CENPI: variants seen among roughly 807,000 people sequenced by gnomAD.
CENPI encodes the protein centromere protein I.
A neutral mutation model predicts 60.4 loss-of-function variants in CENPI; 4 were observed. That is an observed-to-expected ratio of 0.07 (90% CI 0.03 to 0.15). The LOEUF (loss-of-function observed/expected upper bound fraction) is 0.15, where lower values mean the gene tolerates loss of function less well. Ranked by LOEUF, CENPI falls within the 10% of genes least tolerant of loss-of-function variation. CENPI has a pLI of 1.00. For missense variants in CENPI, 444 were observed against 534.5 expected (o/e 0.83, Z 1.67); for synonymous variants, 157 against 189.4 (o/e 0.83, Z 1.40).
At chrX:101,176,195 T>C in the CENPI span, among the ~76,000 whole-genome samples, 3 of 112,224 alleles carry the variant, frequency 2.7e-5, no homozygotes, top group Non-Finnish European at 3.8e-5. Context: ...AGTCCATTGA[T>C]AGGCACTTAG....
At chrX:101,156,375 T>C (rs2090052395) in intron 20 of CENPI, among the ~76,000 whole-genome samples, 1 of 112,056 alleles carries the variant, frequency 8.9e-6, no homozygotes, top group Non-Finnish European at 1.9e-5. Context: ...TCCTGTGAGG[T>C]TGTAAGGTTA....
intron 15 of CENPI, 152 bp downstream of exon 15, chrX:101,132,608 A>T: frequency 2.2e-6 from 1 of 451,886 alleles, no homozygotes; most frequent in Non-Finnish European, 3.7e-6. Context: ...CTCAAAGTTA[A>T]TGCATAGAAT....
At chrX:101,159,100 G>A (rs5967257) in intron 20 of CENPI, among the ~76,000 whole-genome samples, 6,170 of 111,410 alleles carry the variant, frequency 0.055, 488 homozygotes, top group African/African-American at 0.19. Flanking sequence ...ACTGCTTTGA[G>A]ATATATTGCA....
intron 20 of CENPI, among the ~76,000 whole-genome samples, chrX:101,154,507 G>A (rs1411286969): frequency 9.0e-6 from 1 of 111,365 alleles, no homozygotes; most frequent in Non-Finnish European, 1.9e-5. Flanking sequence ...CTTGAACCTG[G>A]GGGGCGGAGG....
chrX:101,157,600 T>C (rs753084737), intron 20 of CENPI, among the ~76,000 whole-genome samples: 1 of 102,470 alleles, frequency 9.8e-6, no homozygotes, highest in Admixed American at 1.1e-4. Context: ...CTGTGAGCTG[T>C]GATTGCTCCA....
At position 101,130,015 on chromosome X, in the gene CENPI, A is replaced by G. The variant is rs762137759; in HGVS notation, c.1229A>G (p.His410Arg). 5 of 1,202,469 alleles carry G rather than the reference A, an allele frequency of 4.2e-6. No homozygotes were observed. The African/African-American group carries it at 5.2e-5, about 13-fold the overall frequency. ...CIWYKVNNYE[H>R]GKEFTNFLDT... The stretch of plus-strand genomic sequence containing the variant: ...TGGTACAAGGTGAATAATTATGAAC[A>G]TGGAAAAGAATTTACCAACTTCCTG... Residue 410 changes from histidine to arginine, a missense_variant, in exon 13 of 22, where the codon CAT becomes CGT. By Grantham distance (29) the His-to-Arg change is conservative. Transcript: ENST00000682095.
chrX:101,140,990 C>A, intron 16 of CENPI: 2 of 280,555 alleles, frequency 7.1e-6, no homozygotes, highest in Non-Finnish European at 1.2e-5. Context: ...TAAATGACTT[C>A]TTTCAAGAGT....
chrX:101,108,112 T>C (rs1005792483), intron 4 of CENPI, among the ~76,000 whole-genome samples: 5 of 111,025 alleles, frequency 4.5e-5, no homozygotes, highest in African/African-American at 1.6e-4. Flanking sequence ...TCTCACTCTG[T>C]CACCCAGGCT....
intron 8 of CENPI, among the ~76,000 whole-genome samples, chrX:101,126,168 G>T (rs905132588): frequency 8.9e-6 from 1 of 112,521 alleles, no homozygotes; most frequent in Admixed American, 9.5e-5. Context: ...ATAGCCAGAT[G>T]TATAAAACAG....
intron 12 of CENPI, 24 bp downstream of exon 12, chrX:101,128,860 C>A (rs1338321431): frequency 8.4e-7 from 1 of 1,190,609 alleles, no homozygotes; most frequent in African/African-American, 1.7e-5. Context: ...GAGGATGGAC[C>A]AAGATAGTTA....
chrX:101,126,181 A>G (rs989205840), intron 8 of CENPI, among the ~76,000 whole-genome samples: 2 of 112,539 alleles, frequency 1.8e-5, no homozygotes, highest in African/African-American at 6.4e-5. Flanking sequence ...TAAAACAGGT[A>G]TCTAGCAGTA....
chrX:101,161,030 C>A (rs1262498691), intron 20 of CENPI, among the ~76,000 whole-genome samples: 1 of 112,008 alleles, frequency 8.9e-6, no homozygotes, highest in Non-Finnish European at 1.9e-5. Context: ...GTACTTTCAC[C>A]AGTTTATTTT....
intron 8 of CENPI, among the ~76,000 whole-genome samples, chrX:101,122,429 C>T (rs367674942): frequency 6.3e-5 from 7 of 111,559 alleles, no homozygotes; most frequent in East Asian, 2.8e-4. Flanking sequence ...TCCATGGGTA[C>T]GATTATTTTT....
At chrX:101,173,072 G>A in the CENPI span, among the ~76,000 whole-genome samples, 99 of 92,479 alleles carry the variant, frequency 1.1e-3, no homozygotes, top group African/African-American at 3.9e-3. Flanking sequence ...CTGGAGTGCA[G>A]TGGTGCGATC....
intron 20 of CENPI, among the ~76,000 whole-genome samples, chrX:101,153,081 ACCT>A (rs1459337685): frequency 9.4e-6 from 1 of 106,753 alleles, no homozygotes; most frequent in African/African-American, 3.4e-5. Context: ...CATTTTCTCC[ACCT>A]CTTTCCTAAC....
At chrX:101,176,351 C>T in the CENPI span, among the ~76,000 whole-genome samples, 1 of 110,126 alleles carries the variant, frequency 9.1e-6, no homozygotes, top group Admixed American at 9.7e-5. Flanking sequence ...TTTTTTGAAC[C>T]TCCCCTACTG....
chrX:101,106,954 TGGAGGCTGA>T (rs1182409314), intron 4 of CENPI, among the ~76,000 whole-genome samples: 1 of 106,190 alleles, frequency 9.4e-6, no homozygotes, highest in Non-Finnish European at 1.9e-5. Flanking sequence ...CCAGCTACTC[TGGAGGCTGA>T]GGTGGGAGGA....
At chrX:101,106,657 T>A (rs1176926066) in intron 4 of CENPI, among the ~76,000 whole-genome samples, 1 of 110,844 alleles carries the variant, frequency 9.0e-6, no homozygotes, top group Non-Finnish European at 1.9e-5. Flanking sequence ...CCTCAGGTGA[T>A]CTCTGTGACA....
In CENPI at chrX:101,126,613, A is replaced by G. The variant is rs957526453; in HGVS notation, c.688-96A>G. ...CCTATAGCTATATCTCAGCGAAATT[A>G]TGGTCTGAATATACTTTTTTCCTTC... On this transcript the variant is annotated intron_variant, in intron 8 of 21. Transcript: ENST00000682095. The G allele has an allele frequency of 9.3e-6, 6 of 642,219 alleles. No homozygotes were observed. The African/African-American group carries it at 1.1e-4, about 12-fold the overall frequency. 52.9% of individuals were successfully genotyped at this position (642,219 alleles called of 1,213,427 possible).
Sources: gnomAD v4.1 joint callset for allele counts (sites outside exome capture counted in the v4.1 genomes callset) on GRCh38, gnomAD v4.1.1 for gene constraint, MANE v1.5 for transcripts, NCBI Gene and HGNC (gene_info 2026-07-23, HGNC 2026-07-21) for gene names.